The following STK32B variants were observed in gnomAD, a reference collection of about 807,000 sequenced individuals.
STK32B encodes serine/threonine kinase 32B.
STK32B carries 43 observed loss-of-function variants against 52.6 expected under a neutral mutation model. That is an observed-to-expected ratio of 0.82 (90% CI 0.64 to 1.05). The LOEUF (loss-of-function observed/expected upper bound fraction) is 1.05. Ranked by LOEUF, STK32B falls within the 50% of genes least tolerant of loss-of-function variation. The probability of loss-of-function intolerance (pLI) is 0.00; values close to 1 mark genes in which losing one functional copy is unlikely to be tolerated. For synonymous variants in STK32B, 238 were observed against 204.3 expected (o/e 1.17, Z -1.41); for missense variants, 621 against 534.6 (o/e 1.16, Z -1.59).
rs141982188 is a variant in STK32B, at chr4:5,422,889, G to A, written c.562+5955G>A. Among the ~76,000 whole-genome samples, 536 of 152,298 alleles carry A rather than the reference G, an allele frequency of 3.5e-3. 4 individuals carry two copies. The highest frequency in any genetic ancestry group is 0.011 in the African/African-American group (448 of 41,558). On this transcript the variant is annotated intron_variant, in intron 6 of 11. Coordinates refer to ENST00000282908, the MANE Select transcript of STK32B (RefSeq NM_018401.3). ...AATCTGAATTAGACTTTAAGGATGT[G>A]CTCTGCTGGGTAACGATAGAGAGAG... is the stretch of plus-strand genomic sequence containing the variant.
the STK32B span, among the ~76,000 whole-genome samples, chr4:5,030,406 A>G: frequency 4.6e-5 from 7 of 152,220 alleles, no homozygotes; most frequent in African/African-American, 7.2e-5. Flanking sequence ...TACTTTTAGA[A>G]GATGTGAGTA....
In STK32B at chr4:5,142,264, T is replaced by C. The variant is rs536216387; in HGVS notation, c.108+2304T>C. On this transcript the variant is annotated intron_variant, in intron 2 of 11. Coordinates refer to ENST00000282908, the MANE Select transcript of STK32B (RefSeq NM_018401.3). ...CAATATATTCAATGGTCAACTCTAT[T>C]CCTGGGAAAAATCTCTTCTTCCCTG... Among the ~76,000 whole-genome samples the C allele has an allele frequency of 4.6e-5, 7 of 152,332 alleles. 1 individual carries two copies. Among genetic ancestry groups the C allele is most frequent in the Admixed American group, 3.9e-4 (6 of 15,304 alleles).
chr4:5,132,110 CTTT>C (rs1560167820), intron 1 of STK32B, among the ~76,000 whole-genome samples: 2 of 152,132 alleles, frequency 1.3e-5, no homozygotes, highest in Non-Finnish European at 2.9e-5. Context: ...TGATCTTCCT[CTTT>C]TTATGGCTGT....
At chr4:5,065,258 A>G (rs1364618711) in intron 1 of STK32B, among the ~76,000 whole-genome samples, 1 of 152,194 alleles carries the variant, frequency 6.6e-6, no homozygotes, top group Admixed American at 6.5e-5. Flanking sequence ...AGAGTCAAAG[A>G]GGACTCTAGG....
At chr4:5,297,661 A>G (rs1280883681) in intron 3 of STK32B, among the ~76,000 whole-genome samples, 1 of 127,776 alleles carries the variant, frequency 7.8e-6, no homozygotes, top group Non-Finnish European at 1.7e-5. Context: ...TTAACTGGTT[A>G]TTCTAGTTAG....
At chr4:5,360,801 C>T (rs767817267) in intron 4 of STK32B, among the ~76,000 whole-genome samples, 1 of 152,014 alleles carries the variant, frequency 6.6e-6, no homozygotes. Flanking sequence ...AGCAAAACTC[C>T]GTCTCAAACA....
chr4:5,266,617 T>G (rs1304967147), intron 3 of STK32B, among the ~76,000 whole-genome samples: 2 of 152,200 alleles, frequency 1.3e-5, no homozygotes, highest in African/African-American at 4.8e-5. Context: ...TGAATCAACA[T>G]TTTTTAGTCT....
chr4:5,495,008 A>AT (rs1252235486), intron 11 of STK32B, among the ~76,000 whole-genome samples: 1 of 151,612 alleles, frequency 6.6e-6, no homozygotes, highest in Non-Finnish European at 1.5e-5. Flanking sequence ...TGCCCTTAAC[A>AT]TTTTTTCCTT....
At chr4:5,488,805 T>G (rs1208307061) in intron 11 of STK32B, among the ~76,000 whole-genome samples, 1 of 152,172 alleles carries the variant, frequency 6.6e-6, no homozygotes, top group Non-Finnish European at 1.5e-5. Flanking sequence ...TTACCAGTTC[T>G]TTTATATCTT....
chr4:5,317,271 A>T (rs1468222142), intron 3 of STK32B, among the ~76,000 whole-genome samples: 10 of 53,306 alleles, frequency 1.9e-4, no homozygotes, highest in Non-Finnish European at 1.1e-4. Flanking sequence ...CATATATATA[A>T]TATATAACAT....
intron 1 of STK32B, among the ~76,000 whole-genome samples, chr4:5,059,568 A>G (rs1354008946): frequency 6.6e-6 from 1 of 152,232 alleles, no homozygotes; most frequent in Non-Finnish European, 1.5e-5. Flanking sequence ...CCACTTCATC[A>G]TGATGTGATA....
rs1728559323 is a variant in STK32B at position 5,286,610 on chromosome 4, A to G, written c.261-44610A>G. The stretch of plus-strand genomic sequence containing the variant: ...AACATAATACCTGTGAGATCTATCC[A>G]TTTTGTTGCAATGTAGCACTAGTTT... On this transcript the variant is annotated intron_variant, in intron 3 of 11. Coordinates refer to ENST00000282908, the MANE Select transcript of STK32B (RefSeq NM_018401.3). 2.0e-5 allele frequency among the ~76,000 whole-genome samples: 3 copies of G among 152,232 alleles called. No individual in the cohort carries two copies. In the South Asian group the frequency reaches 6.2e-4, roughly 32 times the overall value.
rs1419310029 is a variant in STK32B, at chr4:5,394,113, G to T, written c.435-4094G>T. 6.6e-6 allele frequency among the ~76,000 whole-genome samples: 1 copy of T among 152,164 alleles called. No individual in the cohort carries two copies. The highest frequency in any genetic ancestry group is 1.9e-4 in the East Asian group (1 of 5,190). Reference sequence around the variant, plus strand: ...GCCCTGCTTTGCAGTCTGTGCATGGGTACCTCTGGATCAGAGCCATTTCTA... The same window carrying T: ...GCCCTGCTTTGCAGTCTGTGCATGGTTACCTCTGGATCAGAGCCATTTCTA... On this transcript the variant is annotated intron_variant, in intron 4 of 11. Transcript: ENST00000282908. The surrounding 1 kb of genome is among the most constrained non-coding windows in gnomAD (Gnocchi z 4.2).
chr4:5,089,407 A>G (rs1343898637), intron 1 of STK32B, among the ~76,000 whole-genome samples: 17 of 151,356 alleles, frequency 1.1e-4, no homozygotes, highest in Admixed American at 9.2e-4. Flanking sequence ...TCATTGTTCA[A>G]CTCCCACTTG....
chr4:5,089,687 A>G (rs1041655605), intron 1 of STK32B, among the ~76,000 whole-genome samples: 3 of 152,158 alleles, frequency 2.0e-5, no homozygotes, highest in Non-Finnish European at 4.4e-5. Context: ...TCTTTATAGT[A>G]CAATGATTTA....
chr4:5,156,933 CATGAGA>C (rs1197681897), intron 2 of STK32B, among the ~76,000 whole-genome samples: 1 of 151,874 alleles, frequency 6.6e-6, no homozygotes, highest in Non-Finnish European at 1.5e-5. Flanking sequence ...TCTCATTCCA[CATGAGA>C]ATAAGGAAAG....
At chr4:5,184,519 C>T (rs1467871286) in intron 3 of STK32B, among the ~76,000 whole-genome samples, 1 of 151,920 alleles carries the variant, frequency 6.6e-6, no homozygotes, top group Non-Finnish European at 1.5e-5. Flanking sequence ...GAAACCCTGT[C>T]TCTACCAAAA....
At chr4:5,112,916 T>A (rs984321236) in intron 1 of STK32B, among the ~76,000 whole-genome samples, 1 of 152,182 alleles carries the variant, frequency 6.6e-6, no homozygotes, top group African/African-American at 2.4e-5. Context: ...TATTGAATAC[T>A]GACACTGTGC....
At chr4:5,048,736 C>T (rs1741664265), upstream of STK32B, among the ~76,000 whole-genome samples, 1 of 152,256 alleles carries the variant, frequency 6.6e-6, no homozygotes, top group African/African-American at 2.4e-5. Context: ...CCAATTTCTG[C>T]ATTGAAATCT....
Sources: allele counts gnomAD v4.1 joint callset (sites outside exome capture counted in the v4.1 genomes callset), GRCh38; gene constraint gnomAD v4.1.1; non-coding constraint Gnocchi (gnomAD v3.1); transcripts MANE v1.5; gene names NCBI Gene and HGNC (gene_info 2026-07-23, HGNC 2026-07-21).